The following STRADB variants were observed in gnomAD, a reference collection of about 807,000 sequenced individuals.
STRADB encodes the protein STE20 related adaptor beta.
A neutral mutation model predicts 52.1 loss-of-function variants in STRADB; 34 were observed. The ratio of observed to expected loss-of-function variants is 0.65; its 90% CI spans 0.50 to 0.87. The LOEUF is 0.87. Among genes scored for constraint, STRADB ranks in the 40% least tolerant of loss-of-function variants. STRADB has a pLI of 0.00. For missense variants in STRADB, 340 were observed against 483.9 expected (o/e 0.70, Z 2.79); for synonymous variants, 133 against 174.5 (o/e 0.76, Z 1.87).
intron 4 of STRADB, among the ~76,000 whole-genome samples, chr2:201,472,676 G>A (rs1952409048): frequency 6.6e-6 from 1 of 152,148 alleles, no homozygotes; most frequent in Admixed American, 6.5e-5. Flanking sequence ...ATGTAATGGT[G>A]TGTCACTGTT....
intron 3 of STRADB, among the ~76,000 whole-genome samples, chr2:201,463,445 T>C (rs78159072): frequency 0.039 from 5,994 of 152,276 alleles, 161 homozygotes; most frequent in Middle Eastern, 0.068. Context: ...GGAGCCCCTT[T>C]ATATGTTCTT....
intron 2 of STRADB, among the ~76,000 whole-genome samples, chr2:201,455,375 A>G (rs1232746993): frequency 6.6e-6 from 1 of 152,112 alleles, no homozygotes; most frequent in African/African-American, 2.4e-5. Context: ...ACATAATAAT[A>G]ATATTTGAAT....
At chr2:201,452,858 A>T (rs1333110222) in intron 1 of STRADB, among the ~76,000 whole-genome samples, 2 of 152,246 alleles carry the variant, frequency 1.3e-5, no homozygotes, top group Non-Finnish European at 2.9e-5. Flanking sequence ...GAACAAACTG[A>T]AATTACTTAT....
In STRADB at chr2:201,471,965, C is replaced by T. The variant is rs545399568; in HGVS notation, c.194-990C>T. Among the ~76,000 whole-genome samples the T allele has an allele frequency of 3.9e-5, 6 of 152,142 alleles. No homozygotes were observed. In the South Asian group the frequency reaches 8.3e-4, roughly 21 times the overall value. On this transcript the variant is annotated intron_variant, in intron 4 of 11. Transcript: ENST00000194530. Reference sequence around the variant, plus strand: ...TGATGCTGACACTGAGGGGAGGAGACGAATTTGAGATTAACTTCATTTCAA... The same window carrying T: ...TGATGCTGACACTGAGGGGAGGAGATGAATTTGAGATTAACTTCATTTCAA...
At chr2:201,474,288 G>A (rs561154950) in intron 5 of STRADB, among the ~76,000 whole-genome samples, 11 of 152,282 alleles carry the variant, frequency 7.2e-5, no homozygotes, top group African/African-American at 2.4e-4. Flanking sequence ...TCTCTGTGAG[G>A]TAGCAATAGA....
At position 201,479,544 on chromosome 2, in the gene STRADB, A is replaced by G. The variant is rs890724463; in HGVS notation, c.1113+13A>G. On this transcript the variant is annotated intron_variant, in intron 11 of 11. Transcript: ENST00000194530. ...TTTCTTCAAACAGGTGAGCTGATCT[A>G]TCATCCGTTGTCTCGATGTTTTTAA... 6.3e-7 allele frequency: 1 copy of G among 1,596,768 alleles called. No individual in the cohort carries two copies. Among genetic ancestry groups the G allele is most frequent in the African/African-American group, 1.4e-5 (1 of 74,014 alleles).
chr2:201,473,647 A>C (rs1952424986), intron 5 of STRADB, among the ~76,000 whole-genome samples: 1 of 152,198 alleles, frequency 6.6e-6, no homozygotes, highest in Admixed American at 6.5e-5. Flanking sequence ...AATGAATATC[A>C]TATTCAAAAT....
At chr2:201,459,563 C>T (rs934404676) in intron 3 of STRADB, among the ~76,000 whole-genome samples, 2 of 152,174 alleles carry the variant, frequency 1.3e-5, no homozygotes, top group African/African-American at 4.8e-5. Flanking sequence ...TGGGGTCTAT[C>T]CCCTACTTCA....
chr2:201,474,630 T>G lies in STRADB; in HGVS notation c.316-17T>G. 1.3e-6 allele frequency: 2 copies of G among 1,599,104 alleles called. No homozygotes were observed. Among genetic ancestry groups the G allele is most frequent in the Non-Finnish European group, 1.7e-6 (2 of 1,172,060 alleles). On this transcript the variant is annotated splice_polypyrimidine_tract_variant and intron_variant, in intron 5 of 11. Coordinates refer to ENST00000194530, the MANE Select transcript of STRADB (RefSeq NM_018571.6). ...CAGTTGTTTTTAAATGTCTTGTCTCTTGTGTGTTTATCCTAGAAAGCCGTG... is the reference window on the plus strand; with the variant it reads ...CAGTTGTTTTTAAATGTCTTGTCTCGTGTGTGTTTATCCTAGAAAGCCGTG...
At chr2:201,479,617 G>T in intron 11 of STRADB, 86 bp downstream of exon 11, 2 of 1,329,786 alleles carry the variant, frequency 1.5e-6, no homozygotes, top group Non-Finnish European at 2.1e-6. Context: ...GAGATATTTT[G>T]GTTACCAAGG....
intron 2 of STRADB, among the ~76,000 whole-genome samples, chr2:201,456,585 CT>C (rs5837775): frequency 0.95 from 145,278 of 152,214 alleles, 69,442 homozygotes; most frequent in East Asian, 0.99. Context: ...ACTTTTTTTC[CT>C]TAAACGAGAA....
chr2:201,451,885 CT>C lies in STRADB; in HGVS notation c.-148del, dbSNP rs1952046909. 1 of 152,336 alleles carries C rather than the reference CT, an allele frequency of 6.6e-6. No individual in the cohort carries two copies. The highest frequency in any genetic ancestry group is 1.5e-5 in the Non-Finnish European group (1 of 68,260). The allele number at this position is 152,336 out of a possible 1,614,324, so 9.4% of individuals were successfully genotyped here. A position where few individuals can be genotyped will look rare whatever the true frequency, so the allele number is the denominator to read the frequency against. On this transcript the variant is annotated 5_prime_UTR_variant, in exon 1 of 12. Transcript: ENST00000194530. ...GCGAGCAGGGCTCTGGCGCCCGCCC[CT>C]GTCCGCACCGCTGGCAGCCTGAAGA...
At chr2:201,476,783 T>C (rs1345062684) in intron 7 of STRADB, among the ~76,000 whole-genome samples, 1 of 150,336 alleles carries the variant, frequency 6.7e-6, no homozygotes, top group Non-Finnish European at 1.5e-5. Context: ...GAGACTAGCC[T>C]GGCCAAGATG....
chr2:201,479,885 G>A, intron 11 of STRADB, 147 bp from the exon 12 acceptor site: 2 of 939,062 alleles, frequency 2.1e-6, no homozygotes, highest in Non-Finnish European at 3.3e-6. Context: ...GTTTTCAGAT[G>A]ACCAGAATCA....
intron 7 of STRADB, among the ~76,000 whole-genome samples, chr2:201,476,702 T>C (rs1287085505): frequency 6.6e-6 from 1 of 151,536 alleles, no homozygotes; most frequent in Non-Finnish European, 1.5e-5. Context: ...TGGCCAGGCA[T>C]GGTGGCTCAT....
At chr2:201,468,972 T>C (rs1952348373) in intron 3 of STRADB, among the ~76,000 whole-genome samples, 1 of 152,230 alleles carries the variant, frequency 6.6e-6, no homozygotes, top group Admixed American at 6.5e-5. Context: ...TCCAATCGTA[T>C]AGTAGAATTT....
chr2:201,471,895 A>G (rs1952396198), intron 4 of STRADB, among the ~76,000 whole-genome samples: 1 of 152,210 alleles, frequency 6.6e-6, no homozygotes, highest in South Asian at 2.1e-4. Context: ...TGAGGGAGTC[A>G]CTGCATACAT....
rs748622292 is a variant in STRADB, at chr2:201,478,557, C to T, written c.1026C>T (p.Phe342=). The change falls in exon 10 of 12, where the codon TTC becomes TTT. Residue 342 remains phenylalanine (F), a synonymous_variant. Coordinates refer to ENST00000194530, the MANE Select transcript of STRADB (RefSeq NM_018571.6). The part of the protein sequence containing the change: ...TPSSKTFSPA[F]FSLVQLCLQQ... ...CCTCAAAAACTTTCTCTCCTGCCTT[C>T]TTTAGCTTGGTACAGCTCTGTTTGC... 6 of 1,613,948 alleles carry T rather than the reference C, an allele frequency of 3.7e-6. No homozygotes were observed. Among genetic ancestry groups the T allele is most frequent in the Non-Finnish European group, 5.1e-6 (6 of 1,179,986 alleles).
chr2:201,465,718 T>A (rs533067680), intron 3 of STRADB, among the ~76,000 whole-genome samples: 1 of 152,336 alleles, frequency 6.6e-6, no homozygotes, highest in East Asian at 1.9e-4. Flanking sequence ...CTTTCAAGTT[T>A]ATTTAGGACC....
Sources: gnomAD v4.1 joint callset for allele counts (sites outside exome capture counted in the v4.1 genomes callset) on GRCh38, gnomAD v4.1.1 for gene constraint, MANE v1.5 for transcripts, NCBI Gene and HGNC (gene_info 2026-07-23, HGNC 2026-07-21) for gene names.